Variants in ZBTB20 observed in about 807,000 individuals in gnomAD.
ZBTB20 encodes the protein zinc finger and BTB domain-containing protein 20.
Under a neutral mutation model 56.9 loss-of-function variants are expected in ZBTB20, and 9 were observed. The ratio of observed to expected loss-of-function variants is 0.16; its 90% CI spans 0.10 to 0.28. The LOEUF is 0.28. Ranked by LOEUF, ZBTB20 falls within the 10% of genes least tolerant of loss-of-function variation. The pLI is 1.00. For synonymous variants in ZBTB20, 417 were observed against 420.7 expected, an observed-to-expected ratio of 0.99 and a Z score of 0.11; for missense variants, 655 against 1,003.0, an observed-to-expected ratio of 0.65 and a Z score of 4.69.
chr3:115,085,014 C>T (rs2082933204), intron 1 of ZBTB20, among the ~76,000 whole-genome samples: 1 of 151,906 alleles, frequency 6.6e-6, no homozygotes, highest in Non-Finnish European at 1.5e-5. Context: ...TCAAGGAATA[C>T]TGAAATTGGA....
chr3:114,407,556 G>C (rs1470751152), intron 7 of ZBTB20, among the ~76,000 whole-genome samples: 4 of 152,160 alleles, frequency 2.6e-5, no homozygotes, highest in African/African-American at 7.2e-5. Flanking sequence ...TTTAGGATAA[G>C]GTGAGAGAGT....
chr3:114,612,509 A>T (rs935965160), intron 6 of ZBTB20, among the ~76,000 whole-genome samples: 6 of 152,020 alleles, frequency 3.9e-5, no homozygotes, highest in South Asian at 2.1e-4. Context: ...TCGTTTTATT[A>T]AAAAAAAGTC....
intron 1 of ZBTB20, chr3:115,100,141 ATT>A (rs11426047): frequency 2.8e-5 from 4 of 145,314 alleles, no homozygotes; most frequent in Admixed American, 6.9e-5. Context: ...AGGAAGCAGG[ATT>A]TTTTTTTTTT....
intron 4 of ZBTB20, among the ~76,000 whole-genome samples, chr3:114,848,604 T>G (rs1560317807): frequency 6.6e-6 from 1 of 152,192 alleles, no homozygotes. Flanking sequence ...CATGTAGTTG[T>G]TTTTTCCCTG....
chr3:114,605,259 T>C (rs1404681468), intron 6 of ZBTB20, among the ~76,000 whole-genome samples: 1 of 152,156 alleles, frequency 6.6e-6, no homozygotes, highest in Non-Finnish European at 1.5e-5. Flanking sequence ...ATAAGCTGCT[T>C]TCTCATGTTT....
intron 4 of ZBTB20, chr3:114,873,859 G>A (rs1328089873): frequency 6.6e-6 from 1 of 152,122 alleles, no homozygotes; most frequent in Non-Finnish European, 1.5e-5. Context: ...ACTCTCCTTG[G>A]AAACCAAAGA....
chr3:114,906,883 A>C (rs991766153), intron 3 of ZBTB20, among the ~76,000 whole-genome samples: 12 of 151,866 alleles, frequency 7.9e-5, no homozygotes, highest in African/African-American at 2.6e-4. Context: ...AGCAGTTAGA[A>C]ATGGAAAAAG....
intron 4 of ZBTB20, among the ~76,000 whole-genome samples, chr3:114,847,496 T>A (rs2107379078): frequency 6.6e-6 from 1 of 152,298 alleles, no homozygotes; most frequent in Non-Finnish European, 1.5e-5. Context: ...CTATTTTTAA[T>A]TATTTCATCT....
At chr3:115,013,693 T>C (rs761920909) in intron 2 of ZBTB20, among the ~76,000 whole-genome samples, 5 of 151,660 alleles carry the variant, frequency 3.3e-5, no homozygotes, top group Non-Finnish European at 3.0e-5. Context: ...AGTATTACCC[T>C]AATGTTCAAA....
intron 7 of ZBTB20, among the ~76,000 whole-genome samples, chr3:114,409,679 TA>T (rs1054389994): frequency 6.6e-6 from 1 of 151,284 alleles, no homozygotes; most frequent in Non-Finnish European, 1.5e-5. Flanking sequence ...ACCTTAAGAA[TA>T]AAAAAAAATC....
At chr3:115,005,204 A>C (rs949665704) in intron 2 of ZBTB20, among the ~76,000 whole-genome samples, 1 of 151,822 alleles carries the variant, frequency 6.6e-6, no homozygotes, top group African/African-American at 2.4e-5. Flanking sequence ...ACCTCAATTA[A>C]ATAAAAATTT....
At chr3:114,876,116 AGTTT>A (rs1225290576) in intron 4 of ZBTB20, among the ~76,000 whole-genome samples, 12 of 146,210 alleles carry the variant, frequency 8.2e-5, no homozygotes, top group African/African-American at 3.2e-4. Context: ...ATGCACCTGT[AGTTT>A]GTTTTTTTTT....
intron 4 of ZBTB20, among the ~76,000 whole-genome samples, chr3:114,817,192 TACACACACACACACAC>T (rs56294507): frequency 9.6e-5 from 14 of 145,810 alleles, no homozygotes; most frequent in Non-Finnish European, 1.7e-4. Context: ...ATACAACTTA[TACACACACACACACAC>T]ACACACACAC....
At position 114,635,997 on chromosome 3, in the gene ZBTB20, A is replaced by C. The variant is rs532459840; in HGVS notation, c.-295+57531T>G. On this transcript the variant is annotated intron_variant, in intron 6 of 11. Coordinates refer to ENST00000675478, the MANE Select transcript of ZBTB20 (RefSeq NM_001348800.3). ...CAAGACCCATTATAATCCAATTGTC[A>C]AAAGTCAAAGACAGAATTTTGAGAG... is the stretch of plus-strand genomic sequence containing the variant. Among the ~76,000 whole-genome samples, 4 of 152,282 alleles carry C rather than the reference A, an allele frequency of 2.6e-5. No individual in the cohort carries two copies. In the South Asian group the frequency reaches 8.3e-4, roughly 32 times the overall value.
At chr3:114,552,269 A>C (rs1321493402) in intron 6 of ZBTB20, among the ~76,000 whole-genome samples, 1 of 152,164 alleles carries the variant, frequency 6.6e-6, no homozygotes, top group East Asian at 1.9e-4. Flanking sequence ...ATTCACTACC[A>C]CATAGCTTAA....
At chr3:114,399,157 C>T (rs1389657385) in intron 7 of ZBTB20, among the ~76,000 whole-genome samples, 3 of 152,012 alleles carry the variant, frequency 2.0e-5, no homozygotes, top group Non-Finnish European at 1.5e-5. Flanking sequence ...TCTCTTGATG[C>T]TTAGTCAGGG....
chr3:114,503,989 C>T (rs1577143949), intron 6 of ZBTB20, among the ~76,000 whole-genome samples: 1 of 152,058 alleles, frequency 6.6e-6, no homozygotes, highest in Admixed American at 6.6e-5. Context: ...TCCATGAAGG[C>T]CATTCATGAA....
chr3:114,523,191 G>A (rs935734779), intron 6 of ZBTB20, among the ~76,000 whole-genome samples: 7 of 152,170 alleles, frequency 4.6e-5, no homozygotes, highest in African/African-American at 1.7e-4. Context: ...TGAATAATGG[G>A]CCATGTAAAA....
chr3:114,878,659 G>A (rs1277443857), intron 4 of ZBTB20, among the ~76,000 whole-genome samples: 1 of 151,886 alleles, frequency 6.6e-6, no homozygotes, highest in Non-Finnish European at 1.5e-5. Flanking sequence ...TGTGATACGG[G>A]GTGAGTCACT....
Sources: gnomAD v4.1 joint callset for allele counts (sites outside exome capture counted in the v4.1 genomes callset) on GRCh38, gnomAD v4.1.1 for gene constraint, MANE v1.5 for transcripts, NCBI Gene and HGNC (gene_info 2026-07-23, HGNC 2026-07-21) for gene names.